C11orf65: variants seen among roughly 807,000 people sequenced by gnomAD.
The protein encoded by C11orf65 is protein MFI.
Under a neutral mutation model 35.3 loss-of-function variants are expected in C11orf65, and 38 were observed. The observed-to-expected ratio is 1.08, with a 90% CI of 0.83 to 1.41. C11orf65 has a LOEUF of 1.41. Among genes scored for constraint, C11orf65 ranks in the 40% most tolerant of loss-of-function variants. The pLI is 0.00. For missense variants in C11orf65, 370 were observed against 367.1 expected, an observed-to-expected ratio of 1.01 and a Z score of -0.06; for synonymous variants, 105 against 114.4, an observed-to-expected ratio of 0.92 and a Z score of 0.53.
intron 2 of C11orf65, among the ~76,000 whole-genome samples, chr11:108,459,286 T>C (rs2093443185): frequency 6.6e-6 from 1 of 152,168 alleles, no homozygotes; most frequent in Admixed American, 6.6e-5. Flanking sequence ...AGGGTTTCTT[T>C]GTGTCTTTTT....
chr11:108,408,300 G>GA (rs1332351722), intron 3 of C11orf65, among the ~76,000 whole-genome samples: 3 of 151,998 alleles, frequency 2.0e-5, no homozygotes, highest in Admixed American at 1.3e-4. Flanking sequence ...TAAATTCAAA[G>GA]AAAAAATTAT....
At chr11:108,322,703 A>G (rs930049972) in intron 6 of C11orf65, among the ~76,000 whole-genome samples, 1 of 152,174 alleles carries the variant, frequency 6.6e-6, no homozygotes, top group Non-Finnish European at 1.5e-5. Context: ...AACATTTTCC[A>G]AAATAGTCAC....
Position 108,316,029 on chromosome 11 carries a change from C to T in C11orf65, c.641-6958G>A, listed in dbSNP as rs774993357. 1.7e-5 allele frequency: 28 copies of T among 1,613,976 alleles called. No individual in the cohort carries two copies. Among genetic ancestry groups the T allele is most frequent in the Middle Eastern group, 1.6e-4 (1 of 6,084 alleles). The stretch of plus-strand genomic sequence containing the variant: ...CTTATAGACTACGAACATATGAACA[C>T]GAAGCAATGTGGGGCAAAGCCCTAG... On this transcript the variant is annotated intron_variant, in intron 6 of 6. Transcript: ENST00000525729.
chr11:108,385,053 A>G (rs2091957372), intron 8 of C11orf65, among the ~76,000 whole-genome samples: 1 of 152,174 alleles, frequency 6.6e-6, no homozygotes, highest in Non-Finnish European at 1.5e-5. Context: ...TTGCCAAGTG[A>G]AGTCTGCTCA....
chr11:108,345,674 T>C, intron 2 of C11orf65: 1 of 1,259,974 alleles, frequency 7.9e-7, no homozygotes, highest in Non-Finnish European at 1.1e-6. Flanking sequence ...TATTTTTATA[T>C]AAAAATGTGT....
chr11:108,442,352 G>C (rs2093168457), intron 2 of C11orf65, among the ~76,000 whole-genome samples: 1 of 152,188 alleles, frequency 6.6e-6, no homozygotes, highest in Non-Finnish European at 1.5e-5. Context: ...CGTCTGATTG[G>C]TGTACCTGAA....
chr11:108,424,214 A>C (rs2092865256), intron 3 of C11orf65, among the ~76,000 whole-genome samples: 1 of 152,156 alleles, frequency 6.6e-6, no homozygotes, highest in African/African-American at 2.4e-5. Context: ...AATATAAATG[A>C]CCTGATGGAG....
chr11:108,354,893 A>G (rs1258433978), intron 2 of C11orf65: 1 of 1,600,536 alleles, frequency 6.2e-7, no homozygotes, highest in South Asian at 1.1e-5. Context: ...TTTTATAAGG[A>G]AGACTTTATT....
Position 108,333,958 on chromosome 11 carries a change from T to C in C11orf65, c.299+1262A>G, listed in dbSNP as rs1060501566. 6 of 1,608,210 alleles carry C rather than the reference T, an allele frequency of 3.7e-6. No individual in the cohort carries two copies. The highest frequency in any genetic ancestry group is 2.2e-5 in the East Asian group (1 of 44,850). On this transcript the variant is annotated intron_variant, in intron 3 of 3. Transcript: ENST00000524755. The stretch of plus-strand genomic sequence containing the variant: ...TTAGAAGATGTTGTTGTCCCTACTA[T>C]GGAAATTAAGGTAATTTGCAATTAA...
chr11:108,445,353 C>A (rs1299439980), intron 2 of C11orf65, among the ~76,000 whole-genome samples: 9 of 152,166 alleles, frequency 5.9e-5, no homozygotes, highest in Non-Finnish European at 1.3e-4. Context: ...GGAGGCACCC[C>A]CCAGTAAGGG....
Position 108,332,739 on chromosome 11 carries a change from T to A in C11orf65, c.300-1172A>T, listed in dbSNP as rs751393915. The A allele has an allele frequency of 1.7e-5, 28 of 1,607,730 alleles. No individual in the cohort carries two copies. In the East Asian group the frequency reaches 5.8e-4, roughly 33 times the overall value. ...AAATGTTGGGTAGTTCCTTATGTAA[T>A]GTTTTTTGTTTTTTATTAATAGGAT... On this transcript the variant is annotated intron_variant, in intron 3 of 3. Transcript: ENST00000524755.
At position 108,358,504 on chromosome 11, in the gene C11orf65, A is replaced by G. The variant is rs1281236494; in HGVS notation, c.227-23212T>C. Among the ~76,000 whole-genome samples the G allele has an allele frequency of 3.4e-5, 5 of 148,844 alleles. No individual in the cohort carries two copies. The East Asian group carries it at 9.7e-4, about 29-fold the overall frequency. ...AAGACACATAATTGTCAGATTCACCAAAGTTGAAATGAAGGAAAAAATGTT... is the reference window on the plus strand; with the variant it reads ...AAGACACATAATTGTCAGATTCACCGAAGTTGAAATGAAGGAAAAAATGTT... On this transcript the variant is annotated intron_variant, in intron 2 of 3. Transcript: ENST00000524755.
In C11orf65 at chr11:108,417,779, C is replaced by T. The variant is rs531513852; in HGVS notation, c.175-10630G>A. Among the ~76,000 whole-genome samples, 27 of 151,858 alleles carry T rather than the reference C, an allele frequency of 1.8e-4. No individual in the cohort carries two copies. The East Asian group carries it at 4.7e-3, about 26-fold the overall frequency. ...CTGGGGCCTGTCAGCAGGTGGCGGG[C>T]TAGGGGAGGGACAGCATTAGGAGAA... is the stretch of plus-strand genomic sequence containing the variant. On this transcript the variant is annotated intron_variant, in intron 3 of 8. Transcript: ENST00000393084.
Position 108,335,945 on chromosome 11 carries a change from C to T in C11orf65, c.227-653G>A. The T allele has an allele frequency of 6.2e-7, 1 of 1,609,342 alleles. No homozygotes were observed. The highest frequency in any genetic ancestry group is 1.1e-5 in the South Asian group (1 of 90,972). ...ACGGAAACTAGGAAGAGGAAATTAA[C>T]TATCTGTACTTATAAGGTAACTATT... On this transcript the variant is annotated intron_variant, in intron 2 of 3. Coordinates refer to the C11orf65 transcript ENST00000524755.
At chr11:108,309,700 A>G (rs978303733) in intron 6 of C11orf65, among the ~76,000 whole-genome samples, 14 of 152,348 alleles carry the variant, frequency 9.2e-5, no homozygotes, top group African/African-American at 3.4e-4. Flanking sequence ...TAGGCAATAC[A>G]TTAAGGAGAA....
chr11:108,330,167 G>T (rs1321165990), downstream of C11orf65: 1 of 1,581,462 alleles, frequency 6.3e-7, no homozygotes, highest in South Asian at 1.1e-5. Flanking sequence ...TTGTAGTTCT[G>T]TTAAAGTTCA....
downstream of C11orf65, among the ~76,000 whole-genome samples, chr11:108,329,822 A>G (rs536558758): frequency 6.6e-6 from 1 of 152,328 alleles, no homozygotes; most frequent in African/African-American, 2.4e-5. Flanking sequence ...TATAGATATT[A>G]GCTTTCTGTT....
In C11orf65 at chr11:108,405,582, A is replaced by G. The variant is rs762018854; in HGVS notation, c.430-23T>C. On this transcript the variant is annotated intron_variant, in intron 5 of 8. Transcript: ENST00000393084. ...AAACTATTGAGAAACAAAAATGAACATACAAAATGTTGAAATATCGATTGT... is the reference window on the plus strand; with the variant it reads ...AAACTATTGAGAAACAAAAATGAACGTACAAAATGTTGAAATATCGATTGT... 7 of 1,608,470 alleles carry G rather than the reference A, an allele frequency of 4.4e-6. No homozygotes were observed. The African/African-American group carries it at 8.0e-5, about 18-fold the overall frequency.
At chr11:108,460,271 A>T (rs1371165941) in intron 2 of C11orf65, among the ~76,000 whole-genome samples, 1 of 152,200 alleles carries the variant, frequency 6.6e-6, no homozygotes, top group Non-Finnish European at 1.5e-5. Flanking sequence ...TGTGTGCTAG[A>T]AACAGAGCCA....
Sources: gnomAD v4.1 joint callset for allele counts (sites outside exome capture counted in the v4.1 genomes callset) on GRCh38, gnomAD v4.1.1 for gene constraint, MANE v1.5 for transcripts, NCBI Gene and HGNC (gene_info 2026-07-23, HGNC 2026-07-21) for gene names.